CNTNAP2: variants seen among roughly 807,000 people sequenced by gnomAD.
The protein encoded by CNTNAP2 is contactin-associated protein-like 2.
CNTNAP2 carries 98 observed loss-of-function variants against 155.2 expected under a neutral mutation model. The observed-to-expected ratio is 0.63, with a 90% CI of 0.54 to 0.75. CNTNAP2 has a LOEUF of 0.75. CNTNAP2 is among the 30% of genes least tolerant of loss of function. The pLI is 0.00. For synonymous variants in CNTNAP2, 651 were observed against 631.2 expected (o/e 1.03, Z -0.47); for missense variants, 1,727 against 1,688.1 (o/e 1.02, Z -0.40).
intron 1 of CNTNAP2, among the ~76,000 whole-genome samples, chr7:146,748,185 A>G (rs962351606): frequency 5.0e-5 from 6 of 121,164 alleles, no homozygotes; most frequent in Non-Finnish European, 7.9e-5. Flanking sequence ...TTGCTCTGTC[A>G]CCCAGGCTGG....
chr7:146,841,777 A>T (rs913563322), intron 3 of CNTNAP2, among the ~76,000 whole-genome samples: 4 of 152,204 alleles, frequency 2.6e-5, no homozygotes, highest in African/African-American at 9.7e-5. Context: ...CTGCTAAAAT[A>T]CTTGAACTTT....
chr7:146,798,750 A>AT (rs1187709389), intron 2 of CNTNAP2, among the ~76,000 whole-genome samples: 2 of 152,094 alleles, frequency 1.3e-5, no homozygotes, highest in South Asian at 2.1e-4. Flanking sequence ...TTATGGGCAG[A>AT]TTTTTTTTGG....
intron 1 of CNTNAP2, among the ~76,000 whole-genome samples, chr7:146,451,195 C>T (rs781513795): frequency 1.3e-5 from 2 of 152,188 alleles, no homozygotes; most frequent in African/African-American, 2.4e-5. Context: ...ATCTGCCCAC[C>T]TTGGCCTCCC....
chr7:146,530,251 A>G (rs1256723448), intron 1 of CNTNAP2, among the ~76,000 whole-genome samples: 1 of 152,176 alleles, frequency 6.6e-6, no homozygotes, highest in African/African-American at 2.4e-5. Context: ...AAAGATGTAA[A>G]TGTAAAATCT....
intron 18 of CNTNAP2, among the ~76,000 whole-genome samples, chr7:148,185,984 A>C (rs1795109642): frequency 6.6e-6 from 1 of 152,238 alleles, no homozygotes; most frequent in Admixed American, 6.5e-5. Flanking sequence ...ACTTCTTTTA[A>C]AATATCAAGG....
intron 1 of CNTNAP2, among the ~76,000 whole-genome samples, chr7:146,397,406 C>T (rs1795645753): frequency 6.6e-6 from 1 of 152,156 alleles, no homozygotes; most frequent in Non-Finnish European, 1.5e-5. Flanking sequence ...TGTCATTTCT[C>T]CTGCCTAGAT....
At chr7:147,292,183 A>C (rs1055882276) in intron 8 of CNTNAP2, among the ~76,000 whole-genome samples, 3 of 152,168 alleles carry the variant, frequency 2.0e-5, no homozygotes, top group Non-Finnish European at 2.9e-5. Context: ...TTAGGTCTCA[A>C]ATCCTTTCAG....
Position 146,842,994 on chromosome 7 carries a change from C to CTTTTTTTTTTT in CNTNAP2, c.402+3109_402+3119dup, listed in dbSNP as rs35387068. Among the ~76,000 whole-genome samples the CTTTTTTTTTTT allele has an allele frequency of 3.7e-4, 5 of 13,666 alleles. 1 individual carries two copies. The highest frequency in any genetic ancestry group is 5.7e-4 in the African/African-American group (2 of 3,492). The allele number at this position is 13,666 out of a possible 152,430, so 9.0% of individuals were successfully genotyped here. On this transcript the variant is annotated intron_variant, in intron 3 of 23. Coordinates refer to ENST00000361727, the MANE Select transcript of CNTNAP2 (RefSeq NM_014141.6). ...GCCACCACGCCCGGCCTGTCCCACA[C>CTTTTTTTTTTT]TTTTTTTTTTTTTTTTTTTTTTTTT...
intron 1 of CNTNAP2, among the ~76,000 whole-genome samples, chr7:146,324,691 A>G (rs1241001774): frequency 1.3e-5 from 2 of 152,004 alleles, no homozygotes; most frequent in Admixed American, 1.3e-4. Flanking sequence ...TAATGATATC[A>G]TGAACTTTGA....
intron 1 of CNTNAP2, among the ~76,000 whole-genome samples, chr7:146,138,921 A>T (rs1797836442): frequency 6.6e-6 from 1 of 152,148 alleles, no homozygotes; most frequent in Admixed American, 6.6e-5. Context: ...TATGCTCCCC[A>T]GTTTGCAATT....
intron 13 of CNTNAP2, among the ~76,000 whole-genome samples, chr7:147,695,267 C>A (rs1796144497): frequency 6.6e-6 from 1 of 152,020 alleles, no homozygotes; most frequent in Admixed American, 6.6e-5. Flanking sequence ...CGTGATCTAT[C>A]TTGTTGAATA....
chr7:146,982,413 G>T (rs1450199396), intron 3 of CNTNAP2, among the ~76,000 whole-genome samples: 1 of 152,084 alleles, frequency 6.6e-6, no homozygotes, highest in African/African-American at 2.4e-5. Flanking sequence ...TTACACGAAT[G>T]AAGCTATAGG....
intron 8 of CNTNAP2, among the ~76,000 whole-genome samples, chr7:147,279,417 C>T (rs1056182490): frequency 2.6e-5 from 4 of 151,580 alleles, no homozygotes. Context: ...TGAACTTAGG[C>T]GATGGGTCCC....
At chr7:147,458,315 A>G (rs1041185251) in intron 10 of CNTNAP2, among the ~76,000 whole-genome samples, 1 of 152,070 alleles carries the variant, frequency 6.6e-6, no homozygotes, top group Non-Finnish European at 1.5e-5. Flanking sequence ...ACTTGTCCTT[A>G]TGTCCAATTT....
chr7:147,642,474 T>C (rs561033808), intron 13 of CNTNAP2, among the ~76,000 whole-genome samples: 15 of 152,220 alleles, frequency 9.9e-5, no homozygotes, highest in Middle Eastern at 6.8e-3. Context: ...TTCCCCCTCA[T>C]TGACATTCCT....
intron 4 of CNTNAP2, among the ~76,000 whole-genome samples, chr7:147,063,395 A>C (rs1799719944): frequency 6.6e-6 from 1 of 152,148 alleles, no homozygotes; most frequent in Non-Finnish European, 1.5e-5. Flanking sequence ...AGCAATTTAC[A>C]CTAGAGGATA....
At chr7:146,421,698 T>A (rs917267075) in intron 1 of CNTNAP2, among the ~76,000 whole-genome samples, 13 of 151,958 alleles carry the variant, frequency 8.6e-5, no homozygotes, top group African/African-American at 3.1e-4. Context: ...TATTACAATA[T>A]AGATGAAAGT....
intron 8 of CNTNAP2, among the ~76,000 whole-genome samples, chr7:147,268,283 C>A (rs1339298743): frequency 6.6e-6 from 1 of 152,114 alleles, no homozygotes; most frequent in Non-Finnish European, 1.5e-5. Flanking sequence ...AATATACATA[C>A]AGATAATGAC....
Position 148,099,345 on chromosome 7 carries a change from G to A in CNTNAP2, c.2384-18773G>A, listed in dbSNP as rs1012375528. Among the ~76,000 whole-genome samples the A allele has an allele frequency of 3.3e-5, 5 of 151,890 alleles. No homozygotes were observed. In the East Asian group the frequency reaches 9.7e-4, roughly 29 times the overall value. ...ATTAATAACTCCATGAATTTAGAAT[G>A]TTAATGGAATAAGGATTGGAGAAGA... On this transcript the variant is annotated intron_variant, in intron 15 of 23. Transcript: ENST00000361727.
Sources: allele counts gnomAD v4.1 joint callset (sites outside exome capture counted in the v4.1 genomes callset), GRCh38; gene constraint gnomAD v4.1.1; transcripts MANE v1.5; gene names NCBI Gene and HGNC (gene_info 2026-07-23, HGNC 2026-07-21).